The following TCF7L2 variants were observed in gnomAD, a reference collection of about 807,000 sequenced individuals.
The protein encoded by TCF7L2 is transcription factor 7 like 2, also known as transcription factor 7-like 2.
Under a neutral mutation model 77.9 loss-of-function variants are expected in TCF7L2, and 23 were observed. The ratio of observed to expected loss-of-function variants is 0.30; its 90% CI spans 0.21 to 0.42. The LOEUF is 0.42. Among genes scored for constraint, TCF7L2 ranks in the 10% least tolerant of loss-of-function variants. TCF7L2 has a pLI of 1.00. For missense variants in TCF7L2, 654 were observed against 793.1 expected, an observed-to-expected ratio of 0.82 and a Z score of 2.11; for synonymous variants, 413 against 340.2, an observed-to-expected ratio of 1.21 and a Z score of -2.36.
chr10:113,153,975 A>C (rs952150335), intron 11 of TCF7L2, among the ~76,000 whole-genome samples: 1 of 152,136 alleles, frequency 6.6e-6, no homozygotes, highest in Non-Finnish European at 1.5e-5. Context: ...CTGCCCCCTT[A>C]GCTGGCAGCG....
chr10:112,983,191 GC>G (rs1294252939), intron 4 of TCF7L2, among the ~76,000 whole-genome samples: 1 of 151,606 alleles, frequency 6.6e-6, no homozygotes, highest in Non-Finnish European at 1.5e-5. Flanking sequence ...ATAAATTTAG[GC>G]CGGGCACGGT....
At chr10:113,137,484 C>T (rs917400015) in intron 5 of TCF7L2, among the ~76,000 whole-genome samples, 2 of 152,158 alleles carry the variant, frequency 1.3e-5, no homozygotes, top group African/African-American at 4.8e-5. Context: ...TGAGGGAGGT[C>T]GAACAGCCAA....
In TCF7L2 at chr10:113,167,178, A is replaced by G. The variant is rs192852951; in HGVS notation, c.*1206A>G. 1 of 228,996 alleles carries G rather than the reference A, an allele frequency of 4.4e-6. No homozygotes were observed. Among genetic ancestry groups the G allele is most frequent in the African/African-American group, 2.2e-5 (1 of 45,202 alleles). The allele number at this position is 228,996 out of a possible 1,614,324, so 14.2% of individuals were successfully genotyped here. On this transcript the variant is annotated 3_prime_UTR_variant, in exon 14 of 14. Transcript: ENST00000627217. Reference sequence around the variant, plus strand: ...ATAGGTAGATTTGTATGTAGTTTTAATGTCACCTATAACAAAATGTGTTTG... The same window carrying G: ...ATAGGTAGATTTGTATGTAGTTTTAGTGTCACCTATAACAAAATGTGTTTG...
At chr10:112,978,953 G>T (rs921822923) in intron 4 of TCF7L2, among the ~76,000 whole-genome samples, 3 of 152,160 alleles carry the variant, frequency 2.0e-5, no homozygotes, top group East Asian at 1.9e-4. Flanking sequence ...TTTACATTAG[G>T]TATATCTCCT....
At chr10:113,097,167 G>C (rs1352458205) in intron 5 of TCF7L2, among the ~76,000 whole-genome samples, 2 of 152,196 alleles carry the variant, frequency 1.3e-5, no homozygotes, top group East Asian at 3.9e-4. Flanking sequence ...TGCTAGGTTT[G>C]TGGCAATATT....
chr10:113,053,340 T>C (rs1231050338), intron 5 of TCF7L2, among the ~76,000 whole-genome samples: 1 of 152,182 alleles, frequency 6.6e-6, no homozygotes, highest in Non-Finnish European at 1.5e-5. Context: ...TGGATGCCTA[T>C]GTGAGTTTCC....
At chr10:113,074,543 G>A (rs1050596815) in intron 5 of TCF7L2, among the ~76,000 whole-genome samples, 6 of 152,176 alleles carry the variant, frequency 3.9e-5, no homozygotes, top group Non-Finnish European at 7.4e-5. Context: ...CGGACTGTGC[G>A]GGACCTTGGC....
chr10:113,167,044 C>T lies in TCF7L2; in HGVS notation c.*1072C>T, dbSNP rs375337885. 1.2e-4 allele frequency: 27 copies of T among 231,252 alleles called. No individual in the cohort carries two copies. The highest frequency in any genetic ancestry group is 5.5e-4 in the East Asian group (9 of 16,264). 14.3% of individuals were successfully genotyped at this position (231,252 alleles called of 1,614,324 possible). A position where few individuals can be genotyped will look rare whatever the true frequency, so the allele number is the denominator to read the frequency against. ...TGCCCTACCCTGCGCCCTTAGGACC[C>T]GGACTGACCGTGTACAAAACTTTAC... On this transcript the variant is annotated 3_prime_UTR_variant, in exon 14 of 14. Transcript: ENST00000627217.
Position 113,084,901 on chromosome 10 carries a change from A to AC in TCF7L2, c.552+44784dup, listed in dbSNP as rs199587613. Among the ~76,000 whole-genome samples, 906 of 124,030 alleles carry AC rather than the reference A, an allele frequency of 7.3e-3. 8 individuals are homozygous for AC. Among genetic ancestry groups the AC allele is most frequent in the African/African-American group, 0.022 (688 of 31,828 alleles). The allele number at this position is 124,030 out of a possible 152,430, so 81.4% of individuals were successfully genotyped here. ...ACAAAGTGAGACTCTGTCTCAAGCC[A>AC]CCCCCCCCCAAAAAAAAAAAACAAA... On this transcript the variant is annotated intron_variant, in intron 5 of 13. Coordinates refer to ENST00000627217, the MANE Select transcript of TCF7L2 (RefSeq NM_001146274.2).
chr10:113,138,616 TA>T (rs1176348396), intron 5 of TCF7L2, among the ~76,000 whole-genome samples: 2 of 152,086 alleles, frequency 1.3e-5, no homozygotes, highest in African/African-American at 4.8e-5. Context: ...AAAATAATAT[TA>T]ATAATAAACC....
chr10:113,040,200 A>G, intron 5 of TCF7L2, 74 bp downstream of exon 5: 1 of 1,295,928 alleles, frequency 7.7e-7, no homozygotes, highest in Non-Finnish European at 1.1e-6. Flanking sequence ...TGATGATAAC[A>G]GGCCTTATTT....
At chr10:112,983,255 A>C (rs960412045) in intron 4 of TCF7L2, among the ~76,000 whole-genome samples, 17 of 151,896 alleles carry the variant, frequency 1.1e-4, no homozygotes, top group African/African-American at 4.1e-4. Context: ...GCAGATCATG[A>C]GGTCAGGAGA....
intron 4 of TCF7L2, among the ~76,000 whole-genome samples, chr10:113,030,954 C>T (rs2050104100): frequency 1.3e-5 from 2 of 152,192 alleles, no homozygotes; most frequent in Admixed American, 1.3e-4. Context: ...GAGTCTGTCT[C>T]ACCAGCTCCC....
At chr10:113,036,349 G>A (rs2051248559) in intron 4 of TCF7L2, among the ~76,000 whole-genome samples, 1 of 152,016 alleles carries the variant, frequency 6.6e-6, no homozygotes, top group Non-Finnish European at 1.5e-5. Flanking sequence ...GCCAATTTCT[G>A]CTAAGACTAT....
At chr10:112,951,125 T>A in intron 1 of TCF7L2, 82 bp from the exon 2 acceptor site, 2 of 1,212,212 alleles carry the variant, frequency 1.6e-6, no homozygotes, top group Non-Finnish European at 2.3e-6. Flanking sequence ...CCCCTCGACC[T>A]CGCCGATTCT....
At chr10:112,967,617 C>G (rs975591248) in intron 4 of TCF7L2, among the ~76,000 whole-genome samples, 3 of 150,952 alleles carry the variant, frequency 2.0e-5, no homozygotes, top group African/African-American at 7.4e-5. Context: ...ACAAATGAAA[C>G]TAGAAAGAAA....
intron 3 of TCF7L2, among the ~76,000 whole-genome samples, chr10:112,961,034 G>A (rs573337677): frequency 6.7e-6 from 1 of 150,302 alleles, no homozygotes; most frequent in South Asian, 2.1e-4. Context: ...TATTTTTTGA[G>A]ACGGAGTTTT....
intron 5 of TCF7L2, among the ~76,000 whole-genome samples, chr10:113,124,101 G>A (rs1406107533): frequency 6.6e-6 from 1 of 152,198 alleles, no homozygotes; most frequent in Non-Finnish European, 1.5e-5. Context: ...GCTATGGCAG[G>A]AGGGGATTTG....
At position 113,158,540 on chromosome 10, in the gene TCF7L2, C is replaced by T. The variant is rs531078660; in HGVS notation, c.1318+471C>T. 5.1e-4 allele frequency: 464 copies of T among 904,736 alleles called. 1 individual carries two copies. Among genetic ancestry groups the T allele is most frequent in the Non-Finnish European group, 7.5e-4 (435 of 581,004 alleles). 56.0% of individuals were successfully genotyped at this position (904,736 alleles called of 1,614,324 possible). Reference sequence around the variant, plus strand: ...CCCATTTTAAATTAAGGAGGTTTGTCATTCTCTAGAAGAAATTAGAAATAC... The same window carrying T: ...CCCATTTTAAATTAAGGAGGTTTGTTATTCTCTAGAAGAAATTAGAAATAC... On this transcript the variant is annotated intron_variant, in intron 12 of 13. Coordinates refer to ENST00000627217, the MANE Select transcript of TCF7L2 (RefSeq NM_001146274.2).
Sources: gnomAD v4.1 joint callset for allele counts (sites outside exome capture counted in the v4.1 genomes callset) on GRCh38, gnomAD v4.1.1 for gene constraint, MANE v1.5 for transcripts, NCBI Gene and HGNC (gene_info 2026-07-23, HGNC 2026-07-21) for gene names.